SMYD3: variants seen among roughly 807,000 people sequenced by gnomAD.
The protein encoded by SMYD3 is histone-lysine N-methyltransferase SMYD3.
A neutral mutation model predicts 57.7 loss-of-function variants in SMYD3; 36 were observed. The observed-to-expected ratio is 0.62, with a 90% confidence interval of 0.48 to 0.82. The LOEUF is 0.82. Ranked by LOEUF, SMYD3 falls within the 40% of genes least tolerant of loss-of-function variation. The pLI is 0.00. For synonymous variants in SMYD3, 211 were observed against 195.0 expected (o/e 1.08, Z -0.68); for missense variants, 515 against 538.8 (o/e 0.96, Z 0.44).
intron 5 of SMYD3, among the ~76,000 whole-genome samples, chr1:246,215,990 T>C (rs773576548): frequency 2.6e-5 from 4 of 152,062 alleles, no homozygotes; most frequent in Non-Finnish European, 5.9e-5. Flanking sequence ...TCTGGACTAA[T>C]GTGAAAAACA....
At chr1:246,363,457 T>C (rs1465849913) in intron 1 of SMYD3, among the ~76,000 whole-genome samples, 11 of 152,034 alleles carry the variant, frequency 7.2e-5, no homozygotes, top group African/African-American at 2.7e-4. Context: ...ATGATGACAA[T>C]GGCGGTTTTG....
At chr1:246,313,130 TC>T (rs1179959208) in intron 5 of SMYD3, among the ~76,000 whole-genome samples, 1 of 152,086 alleles carries the variant, frequency 6.6e-6, no homozygotes. Context: ...GGTCTCCAAC[TC>T]CTGAGCTCAA....
chr1:246,406,936 G>A (rs1279369801), intron 1 of SMYD3, among the ~76,000 whole-genome samples: 9 of 152,212 alleles, frequency 5.9e-5, no homozygotes, highest in Non-Finnish European at 1.0e-4. Flanking sequence ...GGACAGGCAA[G>A]GAGAAGTCTC....
chr1:246,207,029 T>A (rs1399676394), intron 5 of SMYD3, among the ~76,000 whole-genome samples: 1 of 152,162 alleles, frequency 6.6e-6, no homozygotes, highest in Admixed American at 6.5e-5. Flanking sequence ...TTAGTGGGCA[T>A]TACCAGGGAA....
chr1:246,351,818 T>C (rs567651271), intron 2 of SMYD3, among the ~76,000 whole-genome samples: 47 of 152,242 alleles, frequency 3.1e-4, no homozygotes, highest in Admixed American at 6.5e-4. Context: ...AATAAAAACA[T>C]ATCCTTGTAT....
intron 5 of SMYD3, among the ~76,000 whole-genome samples, chr1:246,218,041 C>CATATA (rs59917783): frequency 0.26 from 40,117 of 151,648 alleles, 5,976 homozygotes; most frequent in East Asian, 0.58. Flanking sequence ...ATGGTACATT[C>CATATA]ATAGAAAACA....
chr1:245,836,881 C>T (rs536928511), intron 10 of SMYD3, among the ~76,000 whole-genome samples: 1 of 152,324 alleles, frequency 6.6e-6, no homozygotes, highest in African/African-American at 2.4e-5. Flanking sequence ...GATAACTTGG[C>T]TTCTGGTTTG....
chr1:246,384,543 C>A (rs7416890), intron 1 of SMYD3, among the ~76,000 whole-genome samples: 23,633 of 151,832 alleles, frequency 0.16, 2,230 homozygotes, highest in East Asian at 0.35. Context: ...TTACAGGTGC[C>A]CGCCACCACG....
chr1:246,154,501 A>T (rs1415880528), intron 5 of SMYD3, among the ~76,000 whole-genome samples: 1 of 152,184 alleles, frequency 6.6e-6, no homozygotes, highest in African/African-American at 2.4e-5. Flanking sequence ...TAGCCCTCCT[A>T]GTTTCTTTTA....
intron 1 of SMYD3, among the ~76,000 whole-genome samples, chr1:246,447,399 C>A (rs963476767): frequency 1.3e-5 from 2 of 152,144 alleles, no homozygotes; most frequent in Non-Finnish European, 2.9e-5. Flanking sequence ...CAGAAAAATT[C>A]TTGGCTATAA....
intron 10 of SMYD3, among the ~76,000 whole-genome samples, chr1:245,773,554 T>A (rs546087166): frequency 6.6e-6 from 1 of 152,310 alleles, no homozygotes; most frequent in South Asian, 2.1e-4. Context: ...CTGGCCAGCA[T>A]CTTCCAGGCA....
At chr1:246,447,272 T>C (rs1432811176) in intron 1 of SMYD3, among the ~76,000 whole-genome samples, 1 of 152,194 alleles carries the variant, frequency 6.6e-6, no homozygotes, top group Non-Finnish European at 1.5e-5. Flanking sequence ...AAGTAGAGTG[T>C]ATCACTTTAC....
chr1:246,041,025 A>G (rs1169585439), intron 5 of SMYD3, among the ~76,000 whole-genome samples: 1 of 152,232 alleles, frequency 6.6e-6, no homozygotes, highest in East Asian at 1.9e-4. Context: ...CCATAAGATT[A>G]TAATACTGTA....
intron 8 of SMYD3, among the ~76,000 whole-genome samples, chr1:245,877,352 A>C (rs2052543724): frequency 6.6e-6 from 1 of 152,176 alleles, no homozygotes; most frequent in Admixed American, 6.5e-5. Context: ...TGAGGTAGAG[A>C]GGTAGGGAAG....
chr1:246,145,418 G>C (rs111554124), intron 5 of SMYD3, among the ~76,000 whole-genome samples: 2,275 of 152,266 alleles, frequency 0.015, 57 homozygotes, highest in African/African-American at 0.05. Flanking sequence ...GATCATATTA[G>C]ATAATTTTGT....
chr1:246,330,594 C>A (rs2065443625), intron 3 of SMYD3, 57 bp from the exon 4 acceptor site: 1 of 1,473,236 alleles, frequency 6.8e-7, no homozygotes, highest in Non-Finnish European at 9.2e-7. Context: ...AATATATAAA[C>A]AAATAAGTTT....
chr1:246,187,867 T>C (rs1224195408), intron 5 of SMYD3, among the ~76,000 whole-genome samples: 8 of 152,088 alleles, frequency 5.3e-5, no homozygotes, highest in Non-Finnish European at 1.2e-4. Flanking sequence ...TGAGCACTTG[T>C]TGACGGAAAT....
chr1:245,869,733 C>T (rs987678048), intron 8 of SMYD3, among the ~76,000 whole-genome samples: 2 of 152,196 alleles, frequency 1.3e-5, no homozygotes, highest in Non-Finnish European at 2.9e-5. Context: ...CCTACCCACG[C>T]CCATCTCTGA....
intron 5 of SMYD3, among the ~76,000 whole-genome samples, chr1:246,056,833 T>C (rs1572955163): frequency 6.6e-6 from 1 of 152,114 alleles, no homozygotes; most frequent in Non-Finnish European, 1.5e-5. Context: ...TAAGGACTTC[T>C]TGCAAAGAGT....
Sources: allele counts gnomAD v4.1 joint callset (sites outside exome capture counted in the v4.1 genomes callset), GRCh38; gene constraint gnomAD v4.1.1; transcripts MANE v1.5; gene names NCBI Gene and HGNC (gene_info 2026-07-23, HGNC 2026-07-21).